Variants in WFDC9 observed in about 807,000 individuals in gnomAD.
WFDC9 encodes protein WFDC9.
A neutral mutation model predicts 9.5 loss-of-function variants in WFDC9; 9 were observed. The ratio of observed to expected loss-of-function variants is 0.95; its 90% CI spans 0.57 to 1.65. The LOEUF is 1.65. WFDC9 is among the 40% of genes most tolerant of loss of function. WFDC9 has a pLI of 0.00. For synonymous variants in WFDC9, 33 were observed against 32.3 expected (o/e 1.02, Z -0.07); for missense variants, 87 against 106.7 (o/e 0.82, Z 0.81).
chr20:45,611,097 A>G (rs1437105852), intron 2 of WFDC9, among the ~76,000 whole-genome samples: 3 of 152,236 alleles, frequency 2.0e-5, no homozygotes, highest in South Asian at 2.1e-4. Flanking sequence ...CATGTTTCCA[A>G]TGAACCCTTG....
intron 1 of WFDC9, among the ~76,000 whole-genome samples, chr20:45,622,209 A>G (rs1049885807): frequency 4.6e-5 from 7 of 152,016 alleles, no homozygotes; most frequent in East Asian, 3.9e-4. Flanking sequence ...TTCTTGTCCT[A>G]TTGTCACTAT....
chr20:45,629,300 T>C (rs1031690013), intron 1 of WFDC9, among the ~76,000 whole-genome samples: 23 of 152,170 alleles, frequency 1.5e-4, no homozygotes, highest in African/African-American at 5.6e-4. Flanking sequence ...TTATTAGCAT[T>C]TGAGAGCTGT....
intron 1 of WFDC9, chr20:45,629,703 T>G: frequency 7.4e-7 from 1 of 1,359,706 alleles, no homozygotes; most frequent in Non-Finnish European, 1.0e-6. Context: ...GTAGAGGCAG[T>G]GAGGAGCTAA....
At chr20:45,613,044 G>T (rs1462171430) in intron 2 of WFDC9, among the ~76,000 whole-genome samples, 1 of 152,174 alleles carries the variant, frequency 6.6e-6, no homozygotes, top group Non-Finnish European at 1.5e-5. Flanking sequence ...ATTTCTTTGT[G>T]CTGTCCAATG....
chr20:45,611,840 T>C (rs1219086386), intron 2 of WFDC9, among the ~76,000 whole-genome samples: 1 of 152,178 alleles, frequency 6.6e-6, no homozygotes, highest in African/African-American at 2.4e-5. Flanking sequence ...TGCATGTCCC[T>C]CCACCCCTTG....
intron 2 of WFDC9, among the ~76,000 whole-genome samples, chr20:45,611,554 A>C (rs1438993062): frequency 2.0e-5 from 3 of 152,232 alleles, no homozygotes. Context: ...ATATGCTCAC[A>C]TCATACAAGT....
intron 2 of WFDC9, 143 bp from the exon 3 acceptor site, chr20:45,610,382 T>C: frequency 4.3e-6 from 2 of 467,942 alleles, no homozygotes; most frequent in Non-Finnish European, 7.6e-6. Context: ...TTCCCCAGGT[T>C]TCTTCTCATC....
intron 1 of WFDC9, among the ~76,000 whole-genome samples, chr20:45,618,878 T>C (rs1001859162): frequency 6.6e-6 from 1 of 152,234 alleles, no homozygotes; most frequent in Non-Finnish European, 1.5e-5. Context: ...ATTTGCTCAA[T>C]GCAGGGTTGC....
chr20:45,625,807 CTTTTTTTT>C (rs76758338), intron 1 of WFDC9, among the ~76,000 whole-genome samples: 13 of 46,416 alleles, frequency 2.8e-4, no homozygotes, highest in Admixed American at 9.3e-4. Context: ...GTTCTCTATT[CTTTTTTTT>C]TTTTTTTTTT....
chr20:45,612,267 T>TAAA (rs1196211749), intron 2 of WFDC9, among the ~76,000 whole-genome samples: 5 of 152,176 alleles, frequency 3.3e-5, no homozygotes, highest in African/African-American at 1.2e-4. Context: ...CTGTTTAGAT[T>TAAA]CTATGCCTCT....
At chr20:45,611,272 G>A (rs555723456) in intron 2 of WFDC9, among the ~76,000 whole-genome samples, 1 of 152,156 alleles carries the variant, frequency 6.6e-6, no homozygotes, top group South Asian at 2.1e-4. Flanking sequence ...GAATTACAAA[G>A]AGCCAGAGTG....
chr20:45,618,627 C>A (rs1982024321), intron 1 of WFDC9, among the ~76,000 whole-genome samples: 1 of 152,112 alleles, frequency 6.6e-6, no homozygotes, highest in Non-Finnish European at 1.5e-5. Flanking sequence ...GAAGAGGGAG[C>A]AAGACTGGCA....
rs765120699 is a variant in WFDC9, at chr20:45,608,154, G to C, written c.240-14C>G. The C allele has an allele frequency of 8.7e-6, 14 of 1,608,604 alleles. No homozygotes were observed. In the East Asian group the frequency reaches 1.1e-4, roughly 13 times the overall value. ...TTAAGGGGCTCTCTAGAAGAGAAAAGTTAGTCAAAAGTCAAGAATCCTGGG... is the reference window on the plus strand; with the variant it reads ...TTAAGGGGCTCTCTAGAAGAGAAAACTTAGTCAAAAGTCAAGAATCCTGGG... On this transcript the variant is annotated splice_polypyrimidine_tract_variant and intron_variant, in intron 4 of 4. Coordinates refer to ENST00000326000, the MANE Select transcript of WFDC9 (RefSeq NM_147198.4).
chr20:45,629,579 T>C, intron 1 of WFDC9: 1 of 399,624 alleles, frequency 2.5e-6, no homozygotes, highest in East Asian at 3.7e-5. Context: ...CAAGACTGGT[T>C]ATGTGAAAGG....
chr20:45,625,266 A>C (rs543455990), intron 1 of WFDC9, among the ~76,000 whole-genome samples: 1 of 152,282 alleles, frequency 6.6e-6, no homozygotes, highest in Admixed American at 6.5e-5. Context: ...AGCATGGGGG[A>C]AACTGCCCTT....
chr20:45,624,670 T>G (rs1335794442), intron 1 of WFDC9, among the ~76,000 whole-genome samples: 1 of 152,210 alleles, frequency 6.6e-6, no homozygotes. Context: ...CTGTACTAAT[T>G]TATATTCCCA....
chr20:45,622,735 T>C (rs1161380286), intron 1 of WFDC9, among the ~76,000 whole-genome samples: 1 of 151,850 alleles, frequency 6.6e-6, no homozygotes, highest in African/African-American at 2.4e-5. Flanking sequence ...TGCCAATATC[T>C]ACTCTAATCT....
intron 1 of WFDC9, among the ~76,000 whole-genome samples, chr20:45,626,354 ATTGCATTGACT>A (rs71181836): frequency 0.23 from 34,268 of 151,912 alleles, 4,322 homozygotes; most frequent in East Asian, 0.56. Flanking sequence ...TTTAATAGGG[ATTGCATTGACT>A]CTGTAGATGG....
chr20:45,626,532 G>A (rs1440834046), intron 1 of WFDC9, among the ~76,000 whole-genome samples: 1 of 151,976 alleles, frequency 6.6e-6, no homozygotes, highest in Non-Finnish European at 1.5e-5. Flanking sequence ...TTTATTCCTA[G>A]GTATTTATTT....
Sources: gnomAD v4.1 joint callset for allele counts (sites outside exome capture counted in the v4.1 genomes callset) on GRCh38, gnomAD v4.1.1 for gene constraint, MANE v1.5 for transcripts, NCBI Gene and HGNC (gene_info 2026-07-23, HGNC 2026-07-21) for gene names.